FHIT: variants seen among roughly 807,000 people sequenced by gnomAD.
FHIT encodes bis(5'-adenosyl)-triphosphatase.
FHIT carries 19 observed loss-of-function variants against 17.9 expected under a neutral mutation model. That is an observed-to-expected ratio of 1.06 (90% CI 0.74 to 1.56). The LOEUF (loss-of-function observed/expected upper bound fraction) is 1.56, where lower values mean the gene tolerates loss of function less well. FHIT is among the 40% of genes most tolerant of loss of function. The pLI is 0.00. For synonymous variants in FHIT, 81 were observed against 69.7 expected, an observed-to-expected ratio of 1.16 and a Z score of -0.81; for missense variants, 248 against 189.2, an observed-to-expected ratio of 1.31 and a Z score of -1.82.
intron 5 of FHIT, among the ~76,000 whole-genome samples, chr3:60,205,689 C>G (rs1206711251): frequency 1.3e-5 from 2 of 152,048 alleles, no homozygotes; most frequent in Non-Finnish European, 2.9e-5. Context: ...CAAAATGACG[C>G]AAAGTTCAGA....
intron 4 of FHIT, among the ~76,000 whole-genome samples, chr3:60,567,265 T>C (rs1395266746): frequency 6.6e-6 from 1 of 151,984 alleles, no homozygotes; most frequent in African/African-American, 2.4e-5. Flanking sequence ...AACAGAGATA[T>C]AGATCAATGG....
chr3:60,199,261 A>T (rs942892772), intron 5 of FHIT, among the ~76,000 whole-genome samples: 5 of 152,198 alleles, frequency 3.3e-5, no homozygotes, highest in African/African-American at 1.2e-4. Context: ...AATCTAGAAC[A>T]TATAGACAGC....
At chr3:60,315,020 C>A (rs1424062353) in intron 5 of FHIT, among the ~76,000 whole-genome samples, 1 of 152,132 alleles carries the variant, frequency 6.6e-6, no homozygotes, top group African/African-American at 2.4e-5. Context: ...GCTTTCAAAT[C>A]CTGAATTGCT....
chr3:60,075,852 C>T (rs535758989), intron 5 of FHIT, among the ~76,000 whole-genome samples: 1 of 152,150 alleles, frequency 6.6e-6, no homozygotes, highest in South Asian at 2.1e-4. Flanking sequence ...GTGATTTATG[C>T]CATACCTCTG....
intron 8 of FHIT, among the ~76,000 whole-genome samples, chr3:59,784,156 T>C (rs973428653): frequency 1.1e-4 from 16 of 152,208 alleles, no homozygotes; most frequent in Admixed American, 5.9e-4. Flanking sequence ...GAAAACATTT[T>C]TGAGCACCTA....
rs556507959 is a variant in FHIT, at chr3:59,955,627, G to C, written c.280-33213C>G. On this transcript the variant is annotated intron_variant, in intron 7 of 9. Transcript: ENST00000492590. ...GTCTCAACCCAATATGTCAAAAACT[G>C]AACTCTCCATTGCCCCATTCCCAAA... Among the ~76,000 whole-genome samples the C allele has an allele frequency of 1.8e-4, 27 of 152,172 alleles. 1 individual carries two copies. The South Asian group carries it at 5.4e-3, about 30-fold the overall frequency.
At chr3:59,885,984 G>A (rs1222125853) in intron 8 of FHIT, among the ~76,000 whole-genome samples, 1 of 152,150 alleles carries the variant, frequency 6.6e-6, no homozygotes, top group Non-Finnish European at 1.5e-5. Context: ...AAGGATAGGA[G>A]GGTTATGGGA....
intron 4 of FHIT, among the ~76,000 whole-genome samples, chr3:60,614,834 TTTTTTTTG>T (rs1559583677): frequency 0.082 from 6,677 of 81,512 alleles, 1,275 homozygotes; most frequent in Non-Finnish European, 0.12. Flanking sequence ...TTTTTTTGTT[TTTTTTTTG>T]TTTTTTGAGA....
At chr3:60,587,354 G>A (rs1453565380) in intron 4 of FHIT, among the ~76,000 whole-genome samples, 1 of 152,006 alleles carries the variant, frequency 6.6e-6, no homozygotes, top group Admixed American at 6.6e-5. Context: ...CCAGTTGGCG[G>A]GTGGGGAGCA....
chr3:60,044,433 C>T (rs1019674595), intron 5 of FHIT, among the ~76,000 whole-genome samples: 4 of 152,144 alleles, frequency 2.6e-5, no homozygotes, highest in Admixed American at 6.6e-5. Flanking sequence ...CATGAGTGCC[C>T]AGGGTAAGCC....
chr3:61,232,862 C>T (rs1249312987), intron 1 of FHIT, among the ~76,000 whole-genome samples: 1 of 152,066 alleles, frequency 6.6e-6, no homozygotes, highest in African/African-American at 2.4e-5. Context: ...CATAATGGAA[C>T]ATTATATAAC....
chr3:59,825,340 C>G (rs1184406966), intron 8 of FHIT, among the ~76,000 whole-genome samples: 1 of 152,158 alleles, frequency 6.6e-6, no homozygotes, highest in African/African-American at 2.4e-5. Flanking sequence ...GGCAGAACCA[C>G]TTCCTATGAG....
At chr3:60,639,325 C>T (rs374169111) in intron 4 of FHIT, among the ~76,000 whole-genome samples, 2 of 152,094 alleles carry the variant, frequency 1.3e-5, no homozygotes, top group East Asian at 1.9e-4. Context: ...ATACTCCTAA[C>T]GTAATTTCCC....
intron 5 of FHIT, among the ~76,000 whole-genome samples, chr3:60,026,480 T>C (rs1700745443): frequency 6.6e-6 from 1 of 152,206 alleles, no homozygotes; most frequent in Non-Finnish European, 1.5e-5. Flanking sequence ...TGTACTTTTC[T>C]ACATTCCACT....
At chr3:60,419,161 T>C (rs1702379857) in intron 5 of FHIT, among the ~76,000 whole-genome samples, 1 of 152,200 alleles carries the variant, frequency 6.6e-6, no homozygotes, top group Non-Finnish European at 1.5e-5. Context: ...CAAGTCATCT[T>C]AGACAAGTTA....
chr3:60,193,761 AG>A (rs1212210095), intron 5 of FHIT, among the ~76,000 whole-genome samples: 1 of 152,194 alleles, frequency 6.6e-6, no homozygotes, highest in African/African-American at 2.4e-5. Context: ...ATATGACTGT[AG>A]CACAGTGTGA....
intron 5 of FHIT, among the ~76,000 whole-genome samples, chr3:60,084,017 C>G (rs574594772): frequency 6.9e-6 from 1 of 145,948 alleles, no homozygotes; most frequent in African/African-American, 2.6e-5. Context: ...GAAAGATGAC[C>G]ACCACATATT....
At chr3:60,326,145 A>G (rs1359587817) in intron 5 of FHIT, among the ~76,000 whole-genome samples, 1 of 151,926 alleles carries the variant, frequency 6.6e-6, no homozygotes, top group Non-Finnish European at 1.5e-5. Context: ...ATGGGGGTGG[A>G]GTGGGGCTGG....
chr3:60,121,307 A>G (rs938389645), intron 5 of FHIT, among the ~76,000 whole-genome samples: 11 of 152,190 alleles, frequency 7.2e-5, no homozygotes, highest in Admixed American at 3.3e-4. Flanking sequence ...AATAATGTAT[A>G]TAACAATCCA....
Sources: gnomAD v4.1 joint callset for allele counts (sites outside exome capture counted in the v4.1 genomes callset) on GRCh38, gnomAD v4.1.1 for gene constraint, MANE v1.5 for transcripts, NCBI Gene and HGNC (gene_info 2026-07-23, HGNC 2026-07-21) for gene names.